Variants in MORN3 observed in about 807,000 individuals in gnomAD.
MORN3 encodes MORN repeat-containing protein 3.
A neutral mutation model predicts 34.7 loss-of-function variants in MORN3; 38 were observed. That is an observed-to-expected ratio of 1.10 (90% CI 0.85 to 1.44). The LOEUF (loss-of-function observed/expected upper bound fraction) is 1.44. MORN3 is among the 40% of genes most tolerant of loss of function. The pLI, the probability that MORN3 is intolerant of heterozygous loss-of-function variation, is 0.00. For synonymous variants in MORN3, 109 were observed against 115.3 expected (o/e 0.95, Z 0.35); for missense variants, 311 against 321.7 (o/e 0.97, Z 0.25).
In MORN3 at chr12:121,654,413, GA is replaced by G. The variant is rs782600449; in HGVS notation, c.323del (p.Phe108SerfsTer47). 1.4e-5 allele frequency: 22 copies of G among 1,594,874 alleles called. No homozygotes were observed. The highest frequency in any genetic ancestry group is 1.7e-5 in the Non-Finnish European group (20 of 1,170,836). ...DKKSGYGIQF[F>X]GPKEYYEGDW... is the part of the protein sequence containing the mutation. ...CACCCTCATAATACTCCTTGGGTCCGAAAAACTGGATCCCATAACCCTGAAA... is the reference window on the plus strand; with the variant it reads ...CACCCTCATAATACTCCTTGGGTCCGAAAACTGGATCCCATAACCCTGAAA... On this transcript the variant is annotated frameshift_variant, in exon 3 of 6. Transcript: ENST00000355329. LOFTEE classifies it high-confidence loss of function.
rs782293129 is a variant in MORN3, at chr12:121,653,107, C to A, written c.616G>T (p.Ala206Ser). Residue 206 changes from alanine to serine, a missense_variant, in exon 4 of 6, where the codon GCC becomes TCC. Coordinates refer to ENST00000355329, the MANE Select transcript of MORN3 (RefSeq NM_173855.5). ...GTMIDFGRDE[A>S]PEPTQFPIPE... is the part of the protein sequence containing the mutation. Reference sequence around the variant, plus strand: ...ATGGGGAACTGAGTGGGCTCAGGGGCCTCGTCACGGCCAAAGTCGATCATC... The same window carrying A: ...ATGGGGAACTGAGTGGGCTCAGGGGACTCGTCACGGCCAAAGTCGATCATC... 1.2e-6 allele frequency: 2 copies of A among 1,613,440 alleles called. No homozygotes were observed. The highest frequency in any genetic ancestry group is 2.7e-5 in the African/African-American group (2 of 74,904).
upstream of MORN3, chr12:121,669,675 C>G (rs539395934): frequency 1.3e-4 from 91 of 699,934 alleles, no homozygotes; most frequent in South Asian, 1.7e-3. Context: ...TGGCCCCTCC[C>G]TTGCCTCTCC....
At chr12:121,652,929 A>G in intron 4 of MORN3, 121 bp from the exon 5 acceptor site, 1 of 1,424,462 alleles carries the variant, frequency 7.0e-7, no homozygotes, top group Non-Finnish European at 9.7e-7. Flanking sequence ...CTCCCTTGCT[A>G]GGGATGCCCT....
intron 5 of MORN3, among the ~76,000 whole-genome samples, chr12:121,652,078 G>T (rs1343558638): frequency 6.6e-6 from 1 of 151,860 alleles, no homozygotes; most frequent in African/African-American, 2.4e-5. Context: ...TGGAATTACA[G>T]GTGCCCTCCC....
At chr12:121,667,762 C>T (rs1001247467) in intron 1 of MORN3, among the ~76,000 whole-genome samples, 14 of 149,800 alleles carry the variant, frequency 9.3e-5, no homozygotes, top group African/African-American at 2.5e-4. Flanking sequence ...CTTGCTCTGT[C>T]GCCCAGGCTG....
upstream of MORN3, among the ~76,000 whole-genome samples, chr12:121,671,264 G>C (rs1242191896): frequency 6.6e-6 from 1 of 151,198 alleles, no homozygotes; most frequent in Non-Finnish European, 1.5e-5. Context: ...AAGATTAGCC[G>C]GGCGTGGTGG....
At chr12:121,668,759 G>A (rs1893854944) in intron 1 of MORN3, among the ~76,000 whole-genome samples, 1 of 152,164 alleles carries the variant, frequency 6.6e-6, no homozygotes, top group South Asian at 2.1e-4. Flanking sequence ...TTGCAAGACT[G>A]GAGTGAGCAG....
chr12:121,665,276 T>TA (rs1893708779), intron 1 of MORN3, among the ~76,000 whole-genome samples: 2 of 123,680 alleles, frequency 1.6e-5, no homozygotes, highest in Non-Finnish European at 3.4e-5. Context: ...TCTTTTTCTT[T>TA]CCTTTTTTTT....
chr12:121,662,513 T>TTTTTG (rs974586306), intron 1 of MORN3, among the ~76,000 whole-genome samples: 10 of 151,974 alleles, frequency 6.6e-5, no homozygotes, highest in African/African-American at 2.4e-4. Flanking sequence ...CCCAGCACTT[T>TTTTTG]GGGAGGCCGA....
At chr12:121,657,196 ACCT>A (rs782480316) in intron 2 of MORN3, among the ~76,000 whole-genome samples, 11 of 152,120 alleles carry the variant, frequency 7.2e-5, no homozygotes, top group Admixed American at 2.0e-4. Context: ...TTTCCCGAAG[ACCT>A]CCTTCTTGCC....
intron 1 of MORN3, among the ~76,000 whole-genome samples, chr12:121,668,568 G>C (rs368984766): frequency 7.9e-5 from 12 of 152,168 alleles, no homozygotes; most frequent in African/African-American, 2.9e-4. Flanking sequence ...ACAGAATCTA[G>C]CCAGGCACAG....
intron 2 of MORN3, among the ~76,000 whole-genome samples, chr12:121,655,027 G>A (rs374312088): frequency 6.6e-6 from 1 of 151,918 alleles, no homozygotes; most frequent in Non-Finnish European, 1.5e-5. Context: ...CACACCATGC[G>A]CCATGCAGCC....
chr12:121,659,392 G>C (rs1281774643), intron 1 of MORN3, 44 bp from the exon 2 acceptor site: 1 of 1,604,036 alleles, frequency 6.2e-7, no homozygotes, highest in Non-Finnish European at 8.5e-7. Flanking sequence ...TGGCCGCCGG[G>C]GGGTGGGGGT....
intron 1 of MORN3, among the ~76,000 whole-genome samples, chr12:121,668,169 C>G (rs550140823): frequency 6.6e-6 from 1 of 152,140 alleles, no homozygotes; most frequent in Non-Finnish European, 1.5e-5. Context: ...CACACCCAGC[C>G]TGGAACTGGG....
In MORN3 at chr12:121,653,218, T is replaced by TAA. The variant is rs1555325295; in HGVS notation, c.504_505insTT (p.Lys169LeufsTer31). The TAA allele has an allele frequency of 1.9e-5, 30 of 1,614,052 alleles. No homozygotes were observed. Among genetic ancestry groups the TAA allele is most frequent in the Non-Finnish European group, 2.4e-5 (28 of 1,180,036 alleles). On this transcript the variant is annotated frameshift_variant, in exon 4 of 6. Transcript: ENST00000355329. LOFTEE classifies it high-confidence loss of function. ...TGGAAGAAACGCCCCGCCCCGTTCT[T>TAA]CATGCCTCTCTCCCAGCAGCCCTCG...
chr12:121,670,405 G>A (rs1893923694), upstream of MORN3, among the ~76,000 whole-genome samples: 1 of 152,188 alleles, frequency 6.6e-6, no homozygotes, highest in Non-Finnish European at 1.5e-5. Flanking sequence ...AGAGGTTGCA[G>A]TAAGCCGAGA....
At chr12:121,656,540 A>C (rs1555325723) in intron 2 of MORN3, among the ~76,000 whole-genome samples, 1 of 152,032 alleles carries the variant, frequency 6.6e-6, no homozygotes, top group East Asian at 1.9e-4. Context: ...TTTGAGATGG[A>C]GTCTCACTCT....
intron 1 of MORN3, among the ~76,000 whole-genome samples, chr12:121,660,355 CTTT>C (rs200327265): frequency 7.8e-6 from 1 of 128,768 alleles, no homozygotes. Context: ...TTCTTTCTTT[CTTT>C]TTTTTTTTTT....
chr12:121,655,169 G>A (rs2136868818), intron 2 of MORN3, among the ~76,000 whole-genome samples: 1 of 150,044 alleles, frequency 6.7e-6, no homozygotes, highest in South Asian at 2.1e-4. Flanking sequence ...CCAACATGGT[G>A]AAACCCCATC....
Sources: allele counts gnomAD v4.1 joint callset (sites outside exome capture counted in the v4.1 genomes callset), GRCh38; gene constraint gnomAD v4.1.1; transcripts MANE v1.5; gene names NCBI Gene and HGNC (gene_info 2026-07-23, HGNC 2026-07-21).